Variants in CLNK observed in about 807,000 individuals in gnomAD.
CLNK encodes cytokine dependent hematopoietic cell linker.
Under a neutral mutation model 68.6 loss-of-function variants are expected in CLNK, and 74 were observed. That is an observed-to-expected ratio of 1.08 (90% CI 0.89 to 1.31). The LOEUF is 1.31. CLNK is among the 50% of genes most tolerant of loss of function. The pLI is 0.00. For synonymous variants in CLNK, 198 were observed against 172.2 expected (o/e 1.15, Z -1.17); for missense variants, 553 against 515.3 (o/e 1.07, Z -0.71).
At chr4:10,622,614 A>G (rs1722500696) in intron 2 of CLNK, among the ~76,000 whole-genome samples, 1 of 152,240 alleles carries the variant, frequency 6.6e-6, no homozygotes, top group African/African-American at 2.4e-5. Flanking sequence ...TTTTGGTATT[A>G]AAACTTGTCA....
intron 1 of CLNK, among the ~76,000 whole-genome samples, chr4:10,677,874 T>G (rs1048669281): frequency 1.9e-4 from 22 of 118,716 alleles, no homozygotes; most frequent in African/African-American, 6.2e-4. Context: ...CATTTACTGC[T>G]TACCAGAACC....
chr4:10,691,914 A>G, the CLNK span, among the ~76,000 whole-genome samples: 1 of 152,188 alleles, frequency 6.6e-6, no homozygotes, highest in Non-Finnish European at 1.5e-5. Flanking sequence ...GGAGACTCCT[A>G]GAATAGAAGA....
chr4:10,488,104 C>A lies in CLNK; in HGVS notation c.*2363G>T, dbSNP rs893928599. 6 of 152,042 alleles carry A rather than the reference C, an allele frequency of 3.9e-5. No individual in the cohort carries two copies. Among genetic ancestry groups the A allele is most frequent in the African/African-American group, 1.2e-4 (5 of 41,396 alleles). The allele number at this position is 152,042 out of a possible 1,614,324, so 9.4% of individuals were successfully genotyped here. ...CTTTTTATTGCAAGATGTTTAATTTCTTTTTTTTCTTCCTTTTCCCCTCAT... is the reference window on the plus strand; with the variant it reads ...CTTTTTATTGCAAGATGTTTAATTTATTTTTTTTCTTCCTTTTCCCCTCAT... On this transcript the variant is annotated 3_prime_UTR_variant, in exon 19 of 19. Transcript: ENST00000226951.
the CLNK span, among the ~76,000 whole-genome samples, chr4:10,730,497 G>A: frequency 1.3e-5 from 2 of 152,014 alleles, no homozygotes; most frequent in Non-Finnish European, 2.9e-5. Flanking sequence ...TTTTAATCTT[G>A]CATTTGAATA....
chr4:10,507,414 T>C (rs917683584), intron 17 of CLNK, among the ~76,000 whole-genome samples: 6 of 151,394 alleles, frequency 4.0e-5, no homozygotes, highest in Non-Finnish European at 5.9e-5. Flanking sequence ...TCCGGTCCTC[T>C]CCATGTTTTT....
At chr4:10,529,563 A>G (rs1037155822) in intron 12 of CLNK, among the ~76,000 whole-genome samples, 10 of 152,246 alleles carry the variant, frequency 6.6e-5, no homozygotes, top group Non-Finnish European at 8.8e-5. Flanking sequence ...GGATTCTGGA[A>G]AGAGGACATA....
chr4:10,641,646 A>T (rs963732751), intron 2 of CLNK, among the ~76,000 whole-genome samples: 1 of 152,180 alleles, frequency 6.6e-6, no homozygotes, highest in African/African-American at 2.4e-5. Flanking sequence ...AAGTGAGTAA[A>T]CACATAAATG....
chr4:10,685,455 A>G (rs1017498416), upstream of CLNK, among the ~76,000 whole-genome samples: 2 of 152,172 alleles, frequency 1.3e-5, no homozygotes, highest in African/African-American at 2.4e-5. Context: ...GGCATGCAGT[A>G]ATGTTTGGGC....
At chr4:10,634,057 A>T (rs767580610) in intron 2 of CLNK, among the ~76,000 whole-genome samples, 5 of 152,176 alleles carry the variant, frequency 3.3e-5, no homozygotes, top group Non-Finnish European at 1.5e-5. Flanking sequence ...GTGCAGACTG[A>T]TGGGCTCACC....
At chr4:10,532,124 C>T (rs1718568125) in intron 12 of CLNK, 132 bp downstream of exon 12, 1 of 742,994 alleles carries the variant, frequency 1.3e-6, no homozygotes, top group Non-Finnish European at 2.4e-6. Context: ...AATAGAGATA[C>T]TAATGCATTT....
chr4:10,725,047 C>T, the CLNK span, among the ~76,000 whole-genome samples: 1 of 152,092 alleles, frequency 6.6e-6, no homozygotes, highest in African/African-American at 2.4e-5. Flanking sequence ...TTGTCTCTGA[C>T]CTTCTATCAG....
intron 2 of CLNK, among the ~76,000 whole-genome samples, chr4:10,649,227 T>C (rs1264095803): frequency 1.3e-5 from 2 of 152,054 alleles, no homozygotes; most frequent in Admixed American, 1.3e-4. Context: ...GGGAGAATAT[T>C]GTTTATTTCT....
the CLNK span, among the ~76,000 whole-genome samples, chr4:10,709,215 T>C: frequency 1.1e-4 from 16 of 152,218 alleles, no homozygotes; most frequent in Non-Finnish European, 1.8e-4. Flanking sequence ...AAAAAACTTT[T>C]TCAGTGGAAT....
intron 2 of CLNK, among the ~76,000 whole-genome samples, chr4:10,616,826 ACG>A (rs1560244279): frequency 2.6e-4 from 13 of 49,560 alleles, no homozygotes; most frequent in East Asian, 6.7e-4. Context: ...ATATATATAC[ACG>A]CATTTTTTTT....
chr4:10,615,036 A>G (rs1722173629), intron 2 of CLNK, among the ~76,000 whole-genome samples: 1 of 152,068 alleles, frequency 6.6e-6, no homozygotes, highest in South Asian at 2.1e-4. Context: ...AAATACAAAA[A>G]TTAGTCACTC....
In CLNK at chr4:10,521,131, T is replaced by C. The variant is rs367902679; in HGVS notation, c.732-300A>G. Among the ~76,000 whole-genome samples the C allele has an allele frequency of 5.5e-4, 84 of 152,346 alleles. 1 individual carries two copies. Among genetic ancestry groups the C allele is most frequent in the African/African-American group, 1.9e-3 (77 of 41,588 alleles). ...TTTGAAGCCATGAGTTTAAACTTGC[T>C]TTGTAGCTACAGTCACTATGGAAAA... On this transcript the variant is annotated intron_variant, in intron 14 of 18. Coordinates refer to ENST00000226951, the MANE Select transcript of CLNK (RefSeq NM_052964.4).
At position 10,540,525 on chromosome 4, in the gene CLNK, G is replaced by T. The variant is rs1473230515; in HGVS notation, c.571C>A (p.His191Asn). Residue 191 changes from histidine to asparagine, a missense_variant, in exon 11 of 19, where the codon CAC (histidine) becomes AAC (asparagine). Coordinates refer to ENST00000226951, the MANE Select transcript of CLNK (RefSeq NM_052964.4). The part of the protein sequence containing the change: ...ESSRPPLSQR[H>N]TFPEVQRMPS... ...ATTCTCTGGACTTCTGGAAAGGTGT[G>T]TCTCTGAGATAAAGGTGGCCTGCTG... The T allele has an allele frequency of 1.9e-6, 3 of 1,613,542 alleles. No homozygotes were observed. The highest frequency in any genetic ancestry group is 3.3e-5 in the Admixed American group (2 of 59,996).
chr4:10,665,567 G>C (rs1393354040), intron 2 of CLNK, among the ~76,000 whole-genome samples: 1 of 150,906 alleles, frequency 6.6e-6, no homozygotes, highest in Non-Finnish European at 1.5e-5. Context: ...GGGAGTCTGA[G>C]GTAGGAGAAT....
At chr4:10,593,937 G>A (rs1434569173) in intron 3 of CLNK, among the ~76,000 whole-genome samples, 2 of 152,186 alleles carry the variant, frequency 1.3e-5, no homozygotes, top group Non-Finnish European at 1.5e-5. Flanking sequence ...AAGTGAAGAT[G>A]TGGATTAGAA....
Sources: allele counts gnomAD v4.1 joint callset (sites outside exome capture counted in the v4.1 genomes callset), GRCh38; gene constraint gnomAD v4.1.1; transcripts MANE v1.5; gene names NCBI Gene and HGNC (gene_info 2026-07-23, HGNC 2026-07-21).